The following ZMAT4 variants were observed in gnomAD, a reference collection of about 807,000 sequenced individuals.
The protein encoded by ZMAT4 is zinc finger matrin-type protein 4.
A neutral mutation model predicts 28.7 loss-of-function variants in ZMAT4; 17 were observed. That is an observed-to-expected ratio of 0.59 (90% CI 0.41 to 0.89). ZMAT4 has a LOEUF of 0.89. ZMAT4 is among the 40% of genes least tolerant of loss of function. The pLI is 0.00. For synonymous variants in ZMAT4, 117 were observed against 109.2 expected, an observed-to-expected ratio of 1.07 and a Z score of -0.44; for missense variants, 240 against 283.8, an observed-to-expected ratio of 0.85 and a Z score of 1.11.
intron 3 of ZMAT4, among the ~76,000 whole-genome samples, chr8:40,740,407 C>T (rs1243628222): frequency 2.0e-5 from 3 of 152,094 alleles, no homozygotes; most frequent in Non-Finnish European, 2.9e-5. Context: ...TAAAGCAAAA[C>T]GCACAGGGTC....
Position 40,844,930 on chromosome 8 carries a change from T to C in ZMAT4, c.-4-19250A>G, listed in dbSNP as rs1428980198. Reference sequence around the variant, plus strand: ...AGAACTCAGGCACCTATTGATTGCATTGGTGTGAGCTCAAATAATAAGATT... The same window carrying C: ...AGAACTCAGGCACCTATTGATTGCACTGGTGTGAGCTCAAATAATAAGATT... On this transcript the variant is annotated intron_variant, in intron 1 of 6. Coordinates refer to ENST00000297737, the MANE Select transcript of ZMAT4 (RefSeq NM_024645.3). Among the ~76,000 whole-genome samples the C allele has an allele frequency of 2.0e-5, 3 of 152,250 alleles. No individual in the cohort carries two copies. In the East Asian group the frequency reaches 5.8e-4, roughly 29 times the overall value.
intron 5 of ZMAT4, among the ~76,000 whole-genome samples, chr8:40,666,130 CTAAG>C (rs775598051): frequency 3.3e-5 from 5 of 152,118 alleles, no homozygotes; most frequent in Non-Finnish European, 7.4e-5. Flanking sequence ...GCCACTGTTT[CTAAG>C]TAAGAAACTG....
chr8:40,623,190 A>G (rs1239410470), intron 5 of ZMAT4, among the ~76,000 whole-genome samples: 1 of 152,186 alleles, frequency 6.6e-6, no homozygotes, highest in Non-Finnish European at 1.5e-5. Flanking sequence ...AAGAGGGCAG[A>G]GGGAAAGTCA....
At chr8:40,731,253 A>G (rs1811529240) in intron 3 of ZMAT4, among the ~76,000 whole-genome samples, 1 of 151,734 alleles carries the variant, frequency 6.6e-6, no homozygotes, top group Non-Finnish European at 1.5e-5. Context: ...GGAGCCAGCC[A>G]GGAAAGACTG....
intron 5 of ZMAT4, among the ~76,000 whole-genome samples, chr8:40,662,112 G>C (rs531181437): frequency 6.6e-6 from 1 of 151,468 alleles, no homozygotes; most frequent in East Asian, 2.0e-4. Flanking sequence ...GTGTAGCTGG[G>C]ACCACAGGTG....
At chr8:40,701,148 G>A (rs1810127314) in intron 3 of ZMAT4, among the ~76,000 whole-genome samples, 2 of 152,108 alleles carry the variant, frequency 1.3e-5, no homozygotes, top group African/African-American at 2.4e-5. Flanking sequence ...GGTTCAGTAG[G>A]GAAATATGTT....
chr8:40,614,704 T>C (rs1190204033), intron 5 of ZMAT4, among the ~76,000 whole-genome samples: 1 of 152,246 alleles, frequency 6.6e-6, no homozygotes, highest in African/African-American at 2.4e-5. Flanking sequence ...TCTTTTGATC[T>C]TTGTTTGTTT....
intron 3 of ZMAT4, among the ~76,000 whole-genome samples, chr8:40,767,177 T>TG (rs1404349779): frequency 6.6e-6 from 1 of 152,202 alleles, no homozygotes; most frequent in Non-Finnish European, 1.5e-5. Context: ...TCAAGAAGCC[T>TG]GGGTATTTTT....
intron 3 of ZMAT4, among the ~76,000 whole-genome samples, chr8:40,756,782 G>C (rs1362623306): frequency 6.6e-6 from 1 of 151,802 alleles, no homozygotes; most frequent in Non-Finnish European, 1.5e-5. Context: ...GTGAGCCTCT[G>C]TCTATAACAT....
At chr8:40,629,377 TG>T (rs200535846) in intron 5 of ZMAT4, among the ~76,000 whole-genome samples, 1 of 148,006 alleles carries the variant, frequency 6.8e-6, no homozygotes. Context: ...AATTTTTTTT[TG>T]ACTTTGCCTG....
chr8:40,568,436 G>T (rs555467892), intron 6 of ZMAT4, among the ~76,000 whole-genome samples: 12 of 152,226 alleles, frequency 7.9e-5, no homozygotes, highest in African/African-American at 2.9e-4. Context: ...ATCCACTGGG[G>T]TTCTAAACCC....
At position 40,877,666 on chromosome 8, in the gene ZMAT4, A is replaced by G. The variant is rs1391227638; in HGVS notation, c.-5+20017T>C. Among the ~76,000 whole-genome samples the G allele has an allele frequency of 2.6e-5, 4 of 152,332 alleles. No homozygotes were observed. The East Asian group carries it at 7.7e-4, about 29-fold the overall frequency. ...TCAAAATTTTTACTTCTGTTTAGAC[A>G]TGGAACTATAAACATATGCGTGTGT... On this transcript the variant is annotated intron_variant, in intron 1 of 6. Transcript: ENST00000297737.
At chr8:40,839,338 T>C (rs1233534657) in intron 1 of ZMAT4, among the ~76,000 whole-genome samples, 1 of 152,164 alleles carries the variant, frequency 6.6e-6, no homozygotes, top group Non-Finnish European at 1.5e-5. Flanking sequence ...TCCAGAAACT[T>C]ACAAGTAAGC....
chr8:40,715,502 T>A (rs1372655482), intron 3 of ZMAT4, among the ~76,000 whole-genome samples: 1 of 152,226 alleles, frequency 6.6e-6, no homozygotes, highest in Non-Finnish European at 1.5e-5. Flanking sequence ...CATCTGATTA[T>A]GCAAAATTAT....
chr8:40,696,193 A>G (rs117423455), intron 4 of ZMAT4, among the ~76,000 whole-genome samples: 2,644 of 152,266 alleles, frequency 0.017, 236 homozygotes, highest in Admixed American at 0.14. Flanking sequence ...CACCTTTACA[A>G]AAACAATGTT....
chr8:40,553,557 G>A (rs1402313375), intron 6 of ZMAT4, among the ~76,000 whole-genome samples: 1 of 152,152 alleles, frequency 6.6e-6, no homozygotes, highest in Non-Finnish European at 1.5e-5. Context: ...ACAGGTGGCT[G>A]TGAGGACCAA....
intron 1 of ZMAT4, among the ~76,000 whole-genome samples, chr8:40,878,495 G>A (rs1049108761): frequency 1.3e-5 from 2 of 152,166 alleles, no homozygotes; most frequent in African/African-American, 4.8e-5. Flanking sequence ...AGATATATCA[G>A]AAGTAAGTTG....
chr8:40,702,276 C>T (rs1375685697), intron 3 of ZMAT4, among the ~76,000 whole-genome samples: 1 of 152,178 alleles, frequency 6.6e-6, no homozygotes, highest in Non-Finnish European at 1.5e-5. Context: ...TATCTTGCTG[C>T]ATCCAGAGCA....
chr8:40,621,119 A>G (rs982893147), intron 5 of ZMAT4, among the ~76,000 whole-genome samples: 2 of 152,200 alleles, frequency 1.3e-5, no homozygotes, highest in African/African-American at 4.8e-5. Flanking sequence ...ACATGGGCTC[A>G]GTGGAGGCAG....
Sources: gnomAD v4.1 joint callset for allele counts (sites outside exome capture counted in the v4.1 genomes callset) on GRCh38, gnomAD v4.1.1 for gene constraint, MANE v1.5 for transcripts, NCBI Gene and HGNC (gene_info 2026-07-23, HGNC 2026-07-21) for gene names.